Variants in EIPR1 observed in about 807,000 individuals in gnomAD.
The protein encoded by EIPR1 is EARP complex and GARP complex interacting protein 1, also known as EARP and GARP complex-interacting protein 1.
In EIPR1, 25 loss-of-function variants were observed where a neutral mutation model predicts 48.1. That is an observed-to-expected ratio of 0.52 (90% confidence interval 0.38 to 0.73). The LOEUF (loss-of-function observed/expected upper bound fraction) is 0.73, where lower values mean the gene tolerates loss of function less well. EIPR1 is among the 30% of genes least tolerant of loss of function. The pLI, the probability that EIPR1 is intolerant of heterozygous loss-of-function variation, is 0.00. For synonymous variants in EIPR1, 204 were observed against 201.9 expected, an observed-to-expected ratio of 1.01 and a Z score of -0.09; for missense variants, 415 against 506.2, an observed-to-expected ratio of 0.82 and a Z score of 1.73.
At chr2:3,365,609 T>A (rs565277129) in intron 1 of EIPR1, among the ~76,000 whole-genome samples, 2 of 149,502 alleles carry the variant, frequency 1.3e-5, no homozygotes, top group East Asian at 3.9e-4. Flanking sequence ...AGGTCTCTGG[T>A]TTTCCTAGGC....
At chr2:3,298,962 C>T (rs185755160) in intron 3 of EIPR1, among the ~76,000 whole-genome samples, 25 of 152,290 alleles carry the variant, frequency 1.6e-4, no homozygotes, top group East Asian at 3.9e-4. Context: ...CTGCTCACTG[C>T]GCTCAGATCT....
rs1166527286 is a variant in EIPR1, at chr2:3,269,740, A to T, written c.260-12285T>A. 3.3e-5 allele frequency among the ~76,000 whole-genome samples: 5 copies of T among 152,222 alleles called. No homozygotes were observed. In the East Asian group the frequency reaches 9.6e-4, roughly 29 times the overall value. On this transcript the variant is annotated intron_variant, in intron 3 of 8. Transcript: ENST00000382125. ...CTCAATCATCACACTCAATCATCGC[A>T]CTCAGTCATTGCGTGGAAATCTCGC...
chr2:3,315,169 C>CCACCATCCCCATCCA (rs1558292816), intron 3 of EIPR1, among the ~76,000 whole-genome samples: 4 of 58,320 alleles, frequency 6.9e-5, no homozygotes, highest in African/African-American at 3.7e-4. Flanking sequence ...ACCATCATCA[C>CCACCATCCCCATCCA]CACCCCCTAC....
At chr2:3,336,809 AG>A (rs1198329465) in intron 3 of EIPR1, among the ~76,000 whole-genome samples, 5 of 150,510 alleles carry the variant, frequency 3.3e-5, no homozygotes, top group Non-Finnish European at 7.4e-5. Flanking sequence ...AGAAAAGAAA[AG>A]GAAAAGAAAA....
At chr2:3,239,175 C>T (rs1383742129) in intron 4 of EIPR1, among the ~76,000 whole-genome samples, 2 of 152,220 alleles carry the variant, frequency 1.3e-5, no homozygotes, top group Admixed American at 6.5e-5. Context: ...GACAAGGAGG[C>T]GCCAAGGGTC....
chr2:3,309,762 G>A (rs932481328), intron 3 of EIPR1, among the ~76,000 whole-genome samples: 17 of 152,206 alleles, frequency 1.1e-4, no homozygotes, highest in African/African-American at 3.9e-4. Context: ...TTCCCGATGG[G>A]AGTGAAGGTT....
At chr2:3,273,989 G>C (rs944146070) in intron 3 of EIPR1, among the ~76,000 whole-genome samples, 4 of 152,138 alleles carry the variant, frequency 2.6e-5, no homozygotes, top group Non-Finnish European at 5.9e-5. Flanking sequence ...AAATAATAAA[G>C]CATCTAGAAG....
At chr2:3,289,841 C>T (rs1262661878) in intron 3 of EIPR1, among the ~76,000 whole-genome samples, 4 of 152,240 alleles carry the variant, frequency 2.6e-5, no homozygotes, top group African/African-American at 9.6e-5. Context: ...ATCAGTGCTA[C>T]ATGCTTGCTC....
rs13011858 is a variant in EIPR1, at chr2:3,359,770, T to C, written c.43-5137A>G. Among the ~76,000 whole-genome samples, 176 of 152,332 alleles carry C rather than the reference T, an allele frequency of 1.2e-3. No individual in the cohort carries two copies. The Middle Eastern group carries it at 0.027, about 24-fold the overall frequency. On this transcript the variant is annotated intron_variant, in intron 1 of 8. Coordinates refer to ENST00000382125, the MANE Select transcript of EIPR1 (RefSeq NM_003310.5). Reference sequence around the variant, plus strand: ...TTTACAGGTGTTCCAATGACCTTATTACAAAAGATCAAATTTTTATAGTAT... The same window carrying C: ...TTTACAGGTGTTCCAATGACCTTATCACAAAAGATCAAATTTTTATAGTAT...
chr2:3,289,695 C>T (rs1027884789), intron 3 of EIPR1, among the ~76,000 whole-genome samples: 9 of 152,240 alleles, frequency 5.9e-5, no homozygotes, highest in East Asian at 1.9e-4. Context: ...CTCATCTCCC[C>T]GACGCAGGCT....
At chr2:3,295,428 T>TCC (rs1668532195) in intron 3 of EIPR1, among the ~76,000 whole-genome samples, 1 of 126,950 alleles carries the variant, frequency 7.9e-6, no homozygotes, top group Non-Finnish European at 1.6e-5. Flanking sequence ...GCCCATCCTC[T>TCC]CTGCACACAC....
At chr2:3,354,109 T>A (rs1412866321) in intron 2 of EIPR1, among the ~76,000 whole-genome samples, 1 of 152,132 alleles carries the variant, frequency 6.6e-6, no homozygotes, top group Non-Finnish European at 1.5e-5. Context: ...CCCATCTGTA[T>A]CCCCACCTGG....
intron 4 of EIPR1, among the ~76,000 whole-genome samples, chr2:3,235,462 A>ACCCC (rs377086547): frequency 0.02 from 3,071 of 151,544 alleles, 42 homozygotes; most frequent in Non-Finnish European, 0.024. Flanking sequence ...ACACACACAC[A>ACCCC]CCCCCCAATA....
rs575755702 is a variant in EIPR1 at position 3,307,495 on chromosome 2, A to C, written c.259+30522T>G. On this transcript the variant is annotated intron_variant, in intron 3 of 8. Transcript: ENST00000382125. ...GGCCTATGGAGACTGTCTCTGTGCA[A>C]TAGAACCAGCAGCCCCACTTCTGCA... is the stretch of plus-strand genomic sequence containing the variant. 7.2e-5 allele frequency among the ~76,000 whole-genome samples: 11 copies of C among 152,334 alleles called. No individual in the cohort carries two copies. In the South Asian group the frequency reaches 2.1e-3, roughly 29 times the overall value.
chr2:3,237,277 A>T (rs1252093587), intron 4 of EIPR1, among the ~76,000 whole-genome samples: 1 of 116,508 alleles, frequency 8.6e-6, no homozygotes, highest in Admixed American at 8.9e-5. Context: ...CACACCATAC[A>T]TATGGCAGTC....
In EIPR1 at chr2:3,328,595, G is replaced by A. The variant is rs573748347; in HGVS notation, c.259+9422C>T. Reference sequence around the variant, plus strand: ...CCCTGGATCAGACTCTACCCACCACGCTCTAATGATCTCAGGGTGCCAGCT... The same window carrying A: ...CCCTGGATCAGACTCTACCCACCACACTCTAATGATCTCAGGGTGCCAGCT... On this transcript the variant is annotated intron_variant, in intron 3 of 8. Transcript: ENST00000382125. Among the ~76,000 whole-genome samples the A allele has an allele frequency of 3.0e-3, 396 of 130,084 alleles. 5 individuals are homozygous for A. Among genetic ancestry groups the A allele is most frequent in the African/African-American group, 0.011 (377 of 33,864 alleles). 85.3% of individuals were successfully genotyped at this position (130,084 alleles called of 152,430 possible). A position where few individuals can be genotyped will look rare whatever the true frequency, so the allele number is the denominator to read the frequency against.
At chr2:3,345,508 C>G (rs1297999253) in intron 2 of EIPR1, among the ~76,000 whole-genome samples, 1 of 151,840 alleles carries the variant, frequency 6.6e-6, no homozygotes, top group Non-Finnish European at 1.5e-5. Flanking sequence ...GCCTGTGATC[C>G]CCGCTATTCA....
intron 3 of EIPR1, among the ~76,000 whole-genome samples, chr2:3,288,643 G>T (rs1196400889): frequency 6.6e-6 from 1 of 152,228 alleles, no homozygotes; most frequent in Non-Finnish European, 1.5e-5. Context: ...TCGGGCATCA[G>T]AGGGTGGCAG....
chr2:3,227,480 A>G (rs375276948), intron 4 of EIPR1, among the ~76,000 whole-genome samples: 11 of 152,362 alleles, frequency 7.2e-5, no homozygotes, highest in African/African-American at 2.4e-4. Flanking sequence ...TGCATTCAAG[A>G]GGAAGCAGAG....
Sources: allele counts gnomAD v4.1 joint callset (sites outside exome capture counted in the v4.1 genomes callset), GRCh38; gene constraint gnomAD v4.1.1; transcripts MANE v1.5; gene names NCBI Gene and HGNC (gene_info 2026-07-23, HGNC 2026-07-21).